ATP13A5: variants seen among roughly 807,000 people sequenced by gnomAD.
The protein encoded by ATP13A5 is probable cation-transporting ATPase 13A5.
In ATP13A5, 149 loss-of-function variants were observed where a neutral mutation model predicts 150.2. The ratio of observed to expected loss-of-function variants is 0.99; its 90% confidence interval spans 0.87 to 1.14. The LOEUF (loss-of-function observed/expected upper bound fraction) is 1.14, where lower values mean the gene tolerates loss of function less well. Ranked by LOEUF, ATP13A5 falls within the 50% of genes most tolerant of loss-of-function variation. The pLI, the probability that ATP13A5 is intolerant of heterozygous loss-of-function variation, is 0.00. For synonymous variants in ATP13A5, 497 were observed against 522.2 expected (o/e 0.95, Z 0.66); for missense variants, 1,383 against 1,449.3 (o/e 0.95, Z 0.74).
At chr3:193,375,412 C>T (rs1005329874) in intron 1 of ATP13A5, among the ~76,000 whole-genome samples, 4 of 152,140 alleles carry the variant, frequency 2.6e-5, no homozygotes, top group Non-Finnish European at 1.5e-5. Flanking sequence ...GTTTTGAAGG[C>T]TCCTGTGGGC....
chr3:193,362,437 G>A lies in ATP13A5; in HGVS notation c.480C>T (p.Cys160=). 1 of 1,614,114 alleles carries A rather than the reference G, an allele frequency of 6.2e-7. No homozygotes were observed. Among genetic ancestry groups the A allele is most frequent in the Non-Finnish European group, 8.5e-7 (1 of 1,179,976 alleles). Residue 160 remains cysteine (C), a synonymous_variant, in exon 5 of 30, where the codon TGC becomes TGT. Transcript: ENST00000342358. ...KVGLLEDSNS[C]SDIHQTFGLG... ...ATCCAAATGTCTGATGGATGTCAGA[G>A]CAGGAATTGCTGTCTTCTAGCAACC...
At position 193,315,107 on chromosome 3, in the gene ATP13A5, A is replaced by G. The variant is rs745959299; in HGVS notation, c.2034-11T>C. 2 of 1,612,574 alleles carry G rather than the reference A, an allele frequency of 1.2e-6. No homozygotes were observed. The highest frequency in any genetic ancestry group is 1.7e-6 in the Non-Finnish European group (2 of 1,179,264). ...GACTCCACTTTTTCTCTTTGTATTCAGGAGAAAATCAATATTAAAGTATAT... is the reference window on the plus strand; with the variant it reads ...GACTCCACTTTTTCTCTTTGTATTCGGGAGAAAATCAATATTAAAGTATAT... On this transcript the variant is annotated splice_polypyrimidine_tract_variant and intron_variant, in intron 17 of 29. Transcript: ENST00000342358.
chr3:193,317,161 T>C (rs1288055608), intron 17 of ATP13A5, among the ~76,000 whole-genome samples: 1 of 152,230 alleles, frequency 6.6e-6, no homozygotes, highest in Non-Finnish European at 1.5e-5. Context: ...CCTGCAATGC[T>C]CTTCCTCTGG....
At chr3:193,315,440 T>G (rs1243654867) in intron 17 of ATP13A5, among the ~76,000 whole-genome samples, 4 of 152,222 alleles carry the variant, frequency 2.6e-5, no homozygotes, top group Admixed American at 2.6e-4. Flanking sequence ...TTTTTGAGCT[T>G]GCAATCGTTT....
chr3:193,287,639 C>T (rs1336438955), intron 26 of ATP13A5, among the ~76,000 whole-genome samples: 1 of 152,144 alleles, frequency 6.6e-6, no homozygotes, highest in Admixed American at 6.6e-5. Context: ...GACAGTGCCC[C>T]TGGTCACCCT....
intron 10 of ATP13A5, 68 bp from the exon 11 acceptor site, chr3:193,333,975 T>C: frequency 6.7e-7 from 1 of 1,486,560 alleles, no homozygotes; most frequent in Non-Finnish European, 9.2e-7. Context: ...AAAATGGCTT[T>C]ACTGTCTTTG....
chr3:193,313,913 C>A, intron 19 of ATP13A5, 120 bp downstream of exon 19: 1 of 1,195,842 alleles, frequency 8.4e-7, no homozygotes, highest in East Asian at 2.4e-5. Context: ...CTGTCAAACT[C>A]TGGACAGATG....
chr3:193,347,527 T>TTCTTTTC (rs1340702346), intron 7 of ATP13A5, among the ~76,000 whole-genome samples: 7 of 148,666 alleles, frequency 4.7e-5, no homozygotes, highest in Non-Finnish European at 1.0e-4. Context: ...TAGATTTCTT[T>TTCTTTTC]TTTTTTTGCT....
intron 27 of ATP13A5, among the ~76,000 whole-genome samples, chr3:193,280,750 G>A (rs1358459224): frequency 1.3e-5 from 2 of 152,106 alleles, no homozygotes; most frequent in African/African-American, 4.8e-5. Context: ...ATCACCTTCA[G>A]GCCCAAACAA....
chr3:193,364,127 T>A lies in ATP13A5; in HGVS notation c.217A>T (p.Thr73Ser), dbSNP rs776258578. The change falls in exon 2 of 30, where the codon ACT becomes TCT. Residue 73 changes from threonine to serine, a missense_variant. By Grantham distance (58) the Thr-to-Ser change is moderately conservative. This residue lies in a region of ATP13A5 where 787 missense variants were observed against 771.9 expected (regional missense o/e 1.02). Transcript: ENST00000342358. ...CGCACTGTTGTCCTCAGCAAAACAGTGTCTGCTTCTTGCAAGGGGCATGGG... is the reference window on the plus strand; with the variant it reads ...CGCACTGTTGTCCTCAGCAAAACAGAGTCTGCTTCTTGCAAGGGGCATGGG... The part of the protein sequence containing the change: ...CIPCPLQEAD[T>S]VLLRTTDEFQ... 2 of 1,614,004 alleles carry A rather than the reference T, an allele frequency of 1.2e-6. No homozygotes were observed. The highest frequency in any genetic ancestry group is 8.5e-7 in the Non-Finnish European group (1 of 1,179,926).
At chr3:193,317,405 AT>A (rs1328925086) in intron 17 of ATP13A5, among the ~76,000 whole-genome samples, 1 of 152,156 alleles carries the variant, frequency 6.6e-6, no homozygotes, top group Non-Finnish European at 1.5e-5. Context: ...GAGGACAAGG[AT>A]TTTATTTTAT....
intron 27 of ATP13A5, among the ~76,000 whole-genome samples, chr3:193,282,949 A>G (rs1418637428): frequency 9.2e-5 from 14 of 152,218 alleles, no homozygotes; most frequent in Non-Finnish European, 1.5e-4. Flanking sequence ...AATAATGAGG[A>G]TACACTGATC....
In ATP13A5 at chr3:193,324,917, C is replaced by A; in HGVS notation, c.1621G>T (p.Gly541Trp). 1 of 1,614,144 alleles carries A rather than the reference C, an allele frequency of 6.2e-7. No individual in the cohort carries two copies. The highest frequency in any genetic ancestry group is 8.5e-7 in the Non-Finnish European group (1 of 1,179,992). Residue 541 changes from glycine to tryptophan, a missense_variant, in exon 14 of 30, where the codon GGG becomes TGG. Coordinates refer to ENST00000342358, the MANE Select transcript of ATP13A5 (RefSeq NM_198505.4). ...ASCHSLILLN[G>W]TIQGDPLDLK... The stretch of plus-strand genomic sequence containing the variant: ...TCCAGAGGGTCTCCCTGGATGGTCC[C>A]ATTGAGAAGGATCAGAGAGTGGCAG...
chr3:193,374,495 A>T (rs1397117330), intron 1 of ATP13A5, among the ~76,000 whole-genome samples: 1 of 152,126 alleles, frequency 6.6e-6, no homozygotes, highest in Non-Finnish European at 1.5e-5. Context: ...TTTTTAAAAA[A>T]TTAACCAGCT....
chr3:193,349,079 C>A (rs1004519344), intron 7 of ATP13A5, among the ~76,000 whole-genome samples: 1 of 152,142 alleles, frequency 6.6e-6, no homozygotes, highest in Non-Finnish European at 1.5e-5. Flanking sequence ...TATTGTAAAC[C>A]GTAAAGTCCT....
chr3:193,330,026 C>G (rs1160549930), intron 12 of ATP13A5, among the ~76,000 whole-genome samples: 2 of 152,194 alleles, frequency 1.3e-5, no homozygotes, highest in Non-Finnish European at 2.9e-5. Context: ...GCCCTCAACC[C>G]AGCTTCATTC....
chr3:193,283,150 T>G (rs1560112314), intron 27 of ATP13A5, among the ~76,000 whole-genome samples: 1 of 152,144 alleles, frequency 6.6e-6, no homozygotes, highest in Non-Finnish European at 1.5e-5. Context: ...AGGTGGTATA[T>G]TCAGTGGAAA....
intron 24 of ATP13A5, among the ~76,000 whole-genome samples, chr3:193,300,715 T>C (rs1056029343): frequency 3.9e-5 from 6 of 152,212 alleles, no homozygotes; most frequent in Non-Finnish European, 7.4e-5. Context: ...TTTCAAAGAA[T>C]TTCCGATTCT....
chr3:193,331,820 T>A (rs997765153), intron 11 of ATP13A5, among the ~76,000 whole-genome samples: 3 of 152,222 alleles, frequency 2.0e-5, no homozygotes, highest in Admixed American at 6.5e-5. Context: ...TTGCTCTCTA[T>A]AACAACCTTA....
Sources: allele counts gnomAD v4.1 joint callset (sites outside exome capture counted in the v4.1 genomes callset), GRCh38; gene constraint gnomAD v4.1.1; regional missense constraint gnomAD v4.1.1; transcripts MANE v1.5; gene names NCBI Gene and HGNC (gene_info 2026-07-23, HGNC 2026-07-21).